MAGI3: variants seen among roughly 807,000 people sequenced by gnomAD.
MAGI3 encodes the protein membrane-associated guanylate kinase, WW and PDZ domain-containing protein 3.
MAGI3 carries 43 observed loss-of-function variants against 121.8 expected under a neutral mutation model. That is an observed-to-expected ratio of 0.35 (90% CI 0.28 to 0.46). The LOEUF is 0.46. Among genes scored for constraint, MAGI3 ranks in the 20% least tolerant of loss-of-function variants. The pLI is 1.00. For missense variants in MAGI3, 1,547 were observed against 1,797.3 expected, an observed-to-expected ratio of 0.86 and a Z score of 2.52; for synonymous variants, 553 against 639.3, an observed-to-expected ratio of 0.86 and a Z score of 2.04.
chr1:113,611,822 A>G (rs1650159833), intron 6 of MAGI3, among the ~76,000 whole-genome samples: 1 of 152,152 alleles, frequency 6.6e-6, no homozygotes, highest in South Asian at 2.1e-4. Flanking sequence ...CCCTTTGCAT[A>G]CAACTTTCAT....
At chr1:113,521,776 C>CA (rs766400087) in intron 1 of MAGI3, among the ~76,000 whole-genome samples, 17 of 152,172 alleles carry the variant, frequency 1.1e-4, no homozygotes, top group Non-Finnish European at 1.9e-4. Context: ...AAGCTTTATA[C>CA]AAAAAGAAAT....
Position 113,619,747 on chromosome 1 carries a change from A to G in MAGI3, c.1088A>G (p.Gln363Arg), listed in dbSNP as rs1650705525. The stretch of plus-strand genomic sequence containing the variant: ...TCTGCATTCTACAGTCACCTTAACC[A>G]GAAAACCCAGTTTGAAAATCCAGTG... Reference protein sequence around the residue: ...YGTYYVDHLNQKTQFENPVEE... With the variant: ...YGTYYVDHLNRKTQFENPVEE... Residue 363 changes from glutamine to arginine, a missense_variant, in exon 8 of 21, where the codon CAG becomes CGG. Coordinates refer to ENST00000307546, the MANE Select transcript of MAGI3 (RefSeq NM_001142782.2). The G allele has an allele frequency of 1.2e-6, 2 of 1,612,684 alleles. No homozygotes were observed. Among genetic ancestry groups the G allele is most frequent in the Non-Finnish European group, 1.7e-6 (2 of 1,179,016 alleles).
intron 1 of MAGI3, among the ~76,000 whole-genome samples, chr1:113,486,213 A>G (rs547801525): frequency 2.0e-5 from 3 of 152,266 alleles, no homozygotes; most frequent in South Asian, 2.1e-4. Context: ...TGATGGTGGT[A>G]TTTTGATACT....
At chr1:113,608,408 A>G (rs1649921645) in intron 6 of MAGI3, among the ~76,000 whole-genome samples, 1 of 152,236 alleles carries the variant, frequency 6.6e-6, no homozygotes, top group African/African-American at 2.4e-5. Flanking sequence ...ATAGAGAAAT[A>G]AGACACCAGA....
chr1:113,656,615 C>G (rs1358895484), intron 15 of MAGI3, among the ~76,000 whole-genome samples: 9 of 152,014 alleles, frequency 5.9e-5, no homozygotes, highest in Admixed American at 4.6e-4. Context: ...CGGGGTTTTG[C>G]CATGTTGGCC....
chr1:113,537,483 A>G (rs1390482552), intron 1 of MAGI3, among the ~76,000 whole-genome samples: 1 of 152,212 alleles, frequency 6.6e-6, no homozygotes, highest in African/African-American at 2.4e-5. Context: ...TACAGAAGAA[A>G]AATGGCCAAT....
At chr1:113,512,887 A>C (rs921820525) in intron 1 of MAGI3, among the ~76,000 whole-genome samples, 1 of 152,234 alleles carries the variant, frequency 6.6e-6, no homozygotes, top group Non-Finnish European at 1.5e-5. Context: ...TCATTGTCTC[A>C]GCCCAAAATC....
intron 1 of MAGI3, among the ~76,000 whole-genome samples, chr1:113,524,634 C>G (rs1005446364): frequency 6.6e-6 from 1 of 152,000 alleles, no homozygotes; most frequent in Non-Finnish European, 1.5e-5. Context: ...ATGCCTGTAT[C>G]CCCATTGTGT....
At chr1:113,462,038 A>G (rs1655061709) in intron 1 of MAGI3, among the ~76,000 whole-genome samples, 1 of 152,154 alleles carries the variant, frequency 6.6e-6, no homozygotes, top group African/African-American at 2.4e-5. Context: ...TACCAGTCAG[A>G]ATGGTTATCA....
intron 5 of MAGI3, among the ~76,000 whole-genome samples, chr1:113,594,133 A>G (rs1408676060): frequency 1.3e-5 from 2 of 152,238 alleles, no homozygotes; most frequent in Non-Finnish European, 2.9e-5. Context: ...CAAGGTTTTC[A>G]GTGCAGTATT....
chr1:113,511,093 C>A (rs1393927570), intron 1 of MAGI3, among the ~76,000 whole-genome samples: 3 of 152,136 alleles, frequency 2.0e-5, no homozygotes, highest in African/African-American at 7.2e-5. Context: ...AGGTGACATG[C>A]CTTTATATAT....
intron 16 of MAGI3, among the ~76,000 whole-genome samples, chr1:113,660,556 A>ATAT (rs1653728818): frequency 2.0e-5 from 3 of 151,558 alleles, no homozygotes; most frequent in Admixed American, 2.0e-4. Context: ...TCCCTATTTA[A>ATAT]ATGGTCTGCT....
intron 1 of MAGI3, among the ~76,000 whole-genome samples, chr1:113,475,186 G>A (rs1480058056): frequency 3.3e-5 from 5 of 152,172 alleles, no homozygotes; most frequent in Non-Finnish European, 5.9e-5. Flanking sequence ...TCTGCAAAGA[G>A]GGACAATTTA....
chr1:113,632,716 T>A (rs1204139269), intron 9 of MAGI3, among the ~76,000 whole-genome samples: 1 of 152,188 alleles, frequency 6.6e-6, no homozygotes, highest in Non-Finnish European at 1.5e-5. Context: ...TTTTTGTTGC[T>A]TGTTTCACCT....
At chr1:113,664,793 A>T (rs754724199) in intron 16 of MAGI3, among the ~76,000 whole-genome samples, 1 of 152,308 alleles carries the variant, frequency 6.6e-6, no homozygotes, top group East Asian at 1.9e-4. Flanking sequence ...CTGATTGCCC[A>T]TGAATTTCAG....
intron 12 of MAGI3, among the ~76,000 whole-genome samples, chr1:113,647,828 T>G (rs768295479): frequency 6.6e-6 from 1 of 152,162 alleles, no homozygotes; most frequent in African/African-American, 2.4e-5. Context: ...CTTCATACTT[T>G]CCATTCATAG....
intron 1 of MAGI3, among the ~76,000 whole-genome samples, chr1:113,507,230 T>C (rs1409527063): frequency 6.6e-6 from 1 of 152,180 alleles, no homozygotes; most frequent in Non-Finnish European, 1.5e-5. Context: ...GTAGCTGCTG[T>C]AGCTGTTTTA....
chr1:113,437,726 CT>C (rs1653640934), intron 1 of MAGI3, among the ~76,000 whole-genome samples: 1 of 133,120 alleles, frequency 7.5e-6, no homozygotes, highest in Non-Finnish European at 1.7e-5. Context: ...CCTTCTCCTT[CT>C]TTCTTCTTCC....
intron 1 of MAGI3, among the ~76,000 whole-genome samples, chr1:113,473,858 G>T (rs1570726730): frequency 1.3e-5 from 2 of 152,248 alleles, no homozygotes; most frequent in African/African-American, 4.8e-5. Flanking sequence ...TTCCACAATG[G>T]TTGAACTAAT....
Sources: allele counts gnomAD v4.1 joint callset (sites outside exome capture counted in the v4.1 genomes callset), GRCh38; gene constraint gnomAD v4.1.1; transcripts MANE v1.5; gene names NCBI Gene and HGNC (gene_info 2026-07-23, HGNC 2026-07-21).